TEX15: variants seen among roughly 807,000 people sequenced by gnomAD.
The protein encoded by TEX15 is testis-expressed protein 15.
A neutral mutation model predicts 237.3 loss-of-function variants in TEX15; 171 were observed. The observed-to-expected ratio is 0.72, with a 90% CI of 0.64 to 0.82. The LOEUF is 0.82. TEX15 is among the 40% of genes least tolerant of loss of function. The pLI is 0.00. For missense variants in TEX15, 3,750 were observed against 3,646.5 expected, an observed-to-expected ratio of 1.03 and a Z score of -0.73; for synonymous variants, 1,338 against 1,269.8, an observed-to-expected ratio of 1.05 and a Z score of -1.14.
chr8:30,897,149 G>T (rs1021745060), intron 2 of TEX15, among the ~76,000 whole-genome samples: 1 of 152,204 alleles, frequency 6.6e-6, no homozygotes. Flanking sequence ...GTCGGCAGAC[G>T]TAGGTATCTT....
Position 30,846,423 on chromosome 8 carries a change from A to T in TEX15, c.3744T>A (p.Asp1248Glu). 6.2e-7 allele frequency: 1 copy of T among 1,613,432 alleles called. No homozygotes were observed. Among genetic ancestry groups the T allele is most frequent in the Non-Finnish European group, 8.5e-7 (1 of 1,179,716 alleles). The change falls in exon 8 of 11, where the codon GAT (aspartate) becomes GAA (glutamate). Residue 1248 changes from aspartate to glutamate, a missense_variant. By Grantham distance (45) the Asp-to-Glu change is conservative. Coordinates refer to ENST00000643185, the MANE Select transcript of TEX15 (RefSeq NM_001350162.2). ...TCTGATTTTCAGACGTATGATTCAC[A>T]TCTGTATTACGACTCAAGTCAAAAG... ...SLSFDLSRNTDVNHTSENQNS... is the reference protein window; with the variant it reads ...SLSFDLSRNTEVNHTSENQNS...
rs777285935 is a variant in TEX15, at chr8:30,845,554, A to T, written c.4613T>A (p.Val1538Glu). The T allele has an allele frequency of 1.8e-5, 29 of 1,613,696 alleles. No homozygotes were observed. The highest frequency in any genetic ancestry group is 2.4e-5 in the Non-Finnish European group (28 of 1,179,646). ...TTCTTCTGATAAACTTGGATTGCTT[A>T]CACTGCTATTATAATAAACTGACTG... The part of the protein sequence containing the change: ...TSQSVYYNSS[V>E]SNPSLSEEHQ... Residue 1538 changes from valine (V) to glutamate (E), a missense_variant, in exon 8 of 11, where the codon GTA becomes GAA. By Grantham distance (121) the Val-to-Glu change is moderately radical. Transcript: ENST00000643185.
chr8:30,864,636 A>G (rs898750943), intron 5 of TEX15, among the ~76,000 whole-genome samples: 1 of 150,186 alleles, frequency 6.7e-6, no homozygotes, highest in Non-Finnish European at 1.5e-5. Flanking sequence ...AAAAAAAAAA[A>G]AGGCTGAAAG....
In TEX15 at chr8:30,837,900, G is replaced by A. The variant is rs375304009; in HGVS notation, c.8384C>T (p.Ser2795Leu). The A allele has an allele frequency of 2.6e-5, 42 of 1,613,980 alleles. No homozygotes were observed. Among genetic ancestry groups the A allele is most frequent in the Non-Finnish European group, 3.4e-5 (40 of 1,180,026 alleles). ...AACAGTTAAGTCTATTTTGCTTTCC[G>A]ACTTTGATGCGCAAGTGTCTTTTGG... Reference protein sequence around the residue: ...ENPKDTCASKSESKIDLTVSS... With the variant: ...ENPKDTCASKLESKIDLTVSS... Residue 2795 changes from serine (S) to leucine (L), a missense_variant, in exon 10 of 11, where the codon TCG (serine) becomes TTG (leucine). Ser to Leu is a moderately radical substitution (Grantham distance 145, BLOSUM62 -2). Transcript: ENST00000643185.
At position 30,867,508 on chromosome 8, in the gene TEX15, G is replaced by C; in HGVS notation, c.303-6C>G. 1 of 1,501,092 alleles carries C rather than the reference G, an allele frequency of 6.7e-7. No individual in the cohort carries two copies. The highest frequency in any genetic ancestry group is 9.0e-7 in the Non-Finnish European group (1 of 1,116,158). 93.0% of individuals were successfully genotyped at this position (1,501,092 alleles called of 1,614,324 possible). A position where few individuals can be genotyped will look rare whatever the true frequency, so the allele number is the denominator to read the frequency against. ...CACTTTCACGCATCTCTGACCTAAA[G>C]TAAAACAAACAATGTATACAGTTAA... On this transcript the variant is annotated splice_region_variant and splice_polypyrimidine_tract_variant and intron_variant, in intron 4 of 10. Transcript: ENST00000643185.
Position 30,845,284 on chromosome 8 carries a change from T to G in TEX15, c.4883A>C (p.Asn1628Thr). The G allele has an allele frequency of 6.2e-7, 1 of 1,613,238 alleles. No individual in the cohort carries two copies. The highest frequency in any genetic ancestry group is 1.1e-5 in the South Asian group (1 of 90,970). ...ATCACAATCGTTGCCTGTACTAGAA[T>G]TTATGTTTTCTTTTATGCAACTTAA... is the stretch of plus-strand genomic sequence containing the variant. The part of the protein sequence containing the change: ...VSLSCIKENI[N>T]SSTGNDCDAT... The change falls in exon 8 of 11, where the codon AAT becomes ACT. Residue 1628 changes from asparagine (N) to threonine (T), a missense_variant. By Grantham distance (65) the Asn-to-Thr change is moderately conservative (BLOSUM62 0). Transcript: ENST00000643185.
chr8:30,843,220 T>C lies in TEX15; in HGVS notation c.6947A>G (p.Asp2316Gly). 1 of 1,613,440 alleles carries C rather than the reference T, an allele frequency of 6.2e-7. No individual in the cohort carries two copies. The highest frequency in any genetic ancestry group is 1.1e-5 in the South Asian group (1 of 91,034). The change falls in exon 8 of 11, where the codon GAT becomes GGT. Residue 2316 changes from aspartate (D) to glycine (G), a missense_variant. Physicochemically the swap from Asp to Gly is moderately conservative, Grantham distance 94. Coordinates refer to ENST00000643185, the MANE Select transcript of TEX15 (RefSeq NM_001350162.2). ...ATTGTTTAAATCTTTAGACAAAGTA[T>C]CATATATCTTCTGCAACTTAGAAAA... ...CAFSKLQKIY[D>G]TLSKDLNNEP...
intron 5 of TEX15, among the ~76,000 whole-genome samples, chr8:30,864,547 A>C (rs1472555929): frequency 6.6e-6 from 1 of 151,474 alleles, no homozygotes; most frequent in African/African-American, 2.4e-5. Flanking sequence ...GAAAAGAAAA[A>C]GGTTTTACTG....
At chr8:30,901,278 G>A (rs181313702) in intron 1 of TEX15, among the ~76,000 whole-genome samples, 3 of 152,292 alleles carry the variant, frequency 2.0e-5, no homozygotes. Flanking sequence ...TGTTTGCATA[G>A]ATATGGTTGA....
chr8:30,893,235 G>A (rs894168260), intron 2 of TEX15, among the ~76,000 whole-genome samples: 1 of 152,122 alleles, frequency 6.6e-6, no homozygotes, highest in Non-Finnish European at 1.5e-5. Flanking sequence ...CAAGGACACA[G>A]AGCTAGGAAG....
chr8:30,854,259 CAAA>C (rs1159366706), intron 7 of TEX15, among the ~76,000 whole-genome samples: 7 of 64,976 alleles, frequency 1.1e-4, no homozygotes, highest in African/African-American at 3.5e-4. Flanking sequence ...CCTGACTGAC[CAAA>C]AAAAAAAAAA....
chr8:30,889,957 A>ATATATATATATATACGTATATATATATC (rs1808762694), intron 2 of TEX15, among the ~76,000 whole-genome samples: 1 of 144,952 alleles, frequency 6.9e-6, no homozygotes, highest in Non-Finnish European at 1.5e-5. Context: ...ATATATACAT[A>ATATATATATATATACGTATATATATATC]TATATATATA....
chr8:30,879,198 C>T (rs929993076), intron 3 of TEX15, among the ~76,000 whole-genome samples: 4 of 152,004 alleles, frequency 2.6e-5, no homozygotes, highest in African/African-American at 9.7e-5. Flanking sequence ...CTCAGATAAA[C>T]GATCTGCAAA....
At chr8:30,850,186 G>A (rs926002094) in intron 7 of TEX15, among the ~76,000 whole-genome samples, 7 of 152,080 alleles carry the variant, frequency 4.6e-5, no homozygotes, top group South Asian at 4.2e-4. Context: ...ACTACTATTC[G>A]TCTTTTGCAG....
chr8:30,883,468 G>A (rs994940046), intron 3 of TEX15, among the ~76,000 whole-genome samples: 4 of 151,928 alleles, frequency 2.6e-5, no homozygotes, highest in Admixed American at 6.6e-5. Context: ...GTGGTTTGCT[G>A]CACCTATTGA....
intron 1 of TEX15, among the ~76,000 whole-genome samples, chr8:30,906,937 A>AT (rs199539229): frequency 2.0e-4 from 30 of 151,742 alleles, no homozygotes; most frequent in Admixed American, 4.6e-4. Flanking sequence ...ACTTAAAACA[A>AT]TTTTTTTTTC....
In TEX15 at chr8:30,845,256, T is replaced by C. The variant is rs1763447604; in HGVS notation, c.4911A>G (p.Ala1637=). ...INSSTGNDCD[A]TCIGHTKAKT... ...TCGCCTTTGTGTGACCTATGCAAGTTGCATCACAATCGTTGCCTGTACTAG... is the reference window on the plus strand; with the variant it reads ...TCGCCTTTGTGTGACCTATGCAAGTCGCATCACAATCGTTGCCTGTACTAG... Residue 1637 remains alanine (A), a synonymous_variant, in exon 8 of 11, where the codon GCA becomes GCG. Coordinates refer to ENST00000643185, the MANE Select transcript of TEX15 (RefSeq NM_001350162.2). The C allele has an allele frequency of 6.2e-7, 1 of 1,613,398 alleles. No homozygotes were observed. The highest frequency in any genetic ancestry group is 1.7e-5 in the Admixed American group (1 of 59,962).
intron 3 of TEX15, among the ~76,000 whole-genome samples, chr8:30,881,629 AT>A: frequency 8.6e-6 from 1 of 116,370 alleles, no homozygotes; most frequent in African/African-American, 5.5e-5. Flanking sequence ...TTTTTTTATT[AT>A]TTTTTTTTTT....
chr8:30,876,280 C>T (rs1808399118), intron 3 of TEX15, among the ~76,000 whole-genome samples: 1 of 152,200 alleles, frequency 6.6e-6, no homozygotes, highest in Admixed American at 6.5e-5. Context: ...ACATCCTGAT[C>T]TGCAGAACCC....
Sources: gnomAD v4.1 joint callset for allele counts (sites outside exome capture counted in the v4.1 genomes callset) on GRCh38, gnomAD v4.1.1 for gene constraint, MANE v1.5 for transcripts, NCBI Gene and HGNC (gene_info 2026-07-23, HGNC 2026-07-21) for gene names.